The following TOX variants were observed in gnomAD, a reference collection of about 807,000 sequenced individuals.
TOX encodes the protein thymocyte selection-associated high mobility group box protein TOX.
In TOX, 11 loss-of-function variants were observed where a neutral mutation model predicts 53.7. The ratio of observed to expected loss-of-function variants is 0.20; its 90% CI spans 0.13 to 0.34. The LOEUF (loss-of-function observed/expected upper bound fraction) is 0.34, where lower values mean the gene tolerates loss of function less well. Ranked by LOEUF, TOX falls within the 10% of genes least tolerant of loss-of-function variation. The pLI is 1.00. For missense variants in TOX, 570 were observed against 664.6 expected, an observed-to-expected ratio of 0.86 and a Z score of 1.56; for synonymous variants, 225 against 245.3, an observed-to-expected ratio of 0.92 and a Z score of 0.77.
At chr8:58,913,146 C>A (rs1008388487) in intron 3 of TOX, among the ~76,000 whole-genome samples, 1 of 152,154 alleles carries the variant, frequency 6.6e-6, no homozygotes, top group Non-Finnish European at 1.5e-5. Context: ...CTCCCCTTCA[C>A]CCATTTCATG....
chr8:58,974,723 G>T (rs1189879965), intron 1 of TOX, among the ~76,000 whole-genome samples: 1 of 151,976 alleles, frequency 6.6e-6, no homozygotes, highest in Non-Finnish European at 1.5e-5. Flanking sequence ...ACTGCCACTT[G>T]TTATGATCAA....
chr8:58,823,632 A>G (rs1810316984), intron 6 of TOX, among the ~76,000 whole-genome samples: 1 of 152,324 alleles, frequency 6.6e-6, no homozygotes, highest in Non-Finnish European at 1.5e-5. Flanking sequence ...ATTTTTGATC[A>G]TGTTCTGTAA....
At chr8:59,101,044 G>A (rs1804799286) in intron 1 of TOX, among the ~76,000 whole-genome samples, 2 of 152,180 alleles carry the variant, frequency 1.3e-5, no homozygotes, top group Non-Finnish European at 2.9e-5. Context: ...ACAGGGCAAG[G>A]AATGCTGGTT....
chr8:58,868,267 T>A (rs1811136180), intron 3 of TOX, among the ~76,000 whole-genome samples: 2 of 152,188 alleles, frequency 1.3e-5, no homozygotes, highest in African/African-American at 4.8e-5. Flanking sequence ...TCTCTTTTCT[T>A]TATAAATTAC....
At chr8:59,041,321 C>T (rs1803583980) in intron 1 of TOX, among the ~76,000 whole-genome samples, 1 of 152,112 alleles carries the variant, frequency 6.6e-6, no homozygotes, top group South Asian at 2.1e-4. Context: ...CTCCCCCATC[C>T]TGAGCCTCAC....
chr8:58,913,973 C>T (rs1183958894), intron 3 of TOX, among the ~76,000 whole-genome samples: 1 of 152,136 alleles, frequency 6.6e-6, no homozygotes, highest in East Asian at 1.9e-4. Flanking sequence ...TGAAAGTGTG[C>T]TCAATGGAGT....
intron 1 of TOX, among the ~76,000 whole-genome samples, chr8:59,074,641 GAAATTA>G (rs1211972705): frequency 6.6e-6 from 1 of 152,178 alleles, no homozygotes; most frequent in Non-Finnish European, 1.5e-5. Flanking sequence ...GTTGTAGACA[GAAATTA>G]AAGTTAGAGA....
At chr8:59,103,518 A>G (rs567586558) in intron 1 of TOX, among the ~76,000 whole-genome samples, 1 of 152,334 alleles carries the variant, frequency 6.6e-6, no homozygotes, top group South Asian at 2.1e-4. Flanking sequence ...AGTGTGTTGT[A>G]GAATATAAGA....
At chr8:58,876,783 G>C (rs886272932) in intron 3 of TOX, among the ~76,000 whole-genome samples, 3 of 152,138 alleles carry the variant, frequency 2.0e-5, no homozygotes, top group Non-Finnish European at 4.4e-5. Flanking sequence ...GCTATTCGTG[G>C]AGTGCCTATT....
chr8:59,088,098 G>A (rs912507230), intron 1 of TOX, among the ~76,000 whole-genome samples: 5 of 152,016 alleles, frequency 3.3e-5, no homozygotes, highest in Non-Finnish European at 5.9e-5. Flanking sequence ...TTTTGGCAGC[G>A]AATATAAATT....
intron 1 of TOX, among the ~76,000 whole-genome samples, chr8:59,054,974 G>A (rs961528621): frequency 1.6e-5 from 2 of 128,828 alleles, no homozygotes; most frequent in African/African-American, 5.9e-5. Context: ...GGAAGGAAGG[G>A]ACGGAGGGAG....
At position 59,112,469 on chromosome 8, in the gene TOX, G is replaced by A. The variant is rs181033842; in HGVS notation, c.102+6417C>T. On this transcript the variant is annotated intron_variant, in intron 1 of 8. Transcript: ENST00000361421. Reference sequence around the variant, plus strand: ...CAAATTCATTAGGGCATATGTAAGCGGTATCATCTTGGCACTGTAGTTTCC... The same window carrying A: ...CAAATTCATTAGGGCATATGTAAGCAGTATCATCTTGGCACTGTAGTTTCC... 6.6e-5 allele frequency among the ~76,000 whole-genome samples: 10 copies of A among 152,216 alleles called. No individual in the cohort carries two copies. In the East Asian group the frequency reaches 9.6e-4, roughly 15 times the overall value.
chr8:58,827,308 C>T (rs558449498), intron 5 of TOX, among the ~76,000 whole-genome samples: 4 of 152,080 alleles, frequency 2.6e-5, no homozygotes, highest in East Asian at 1.9e-4. Context: ...ATATGTTCCA[C>T]GCTAAATACA....
At chr8:58,928,060 G>A (rs1812195162) in intron 3 of TOX, among the ~76,000 whole-genome samples, 1 of 152,164 alleles carries the variant, frequency 6.6e-6, no homozygotes. Context: ...ATCTTTCCTG[G>A]TCTCATACTT....
chr8:59,032,233 G>A (rs1268838539), intron 1 of TOX, among the ~76,000 whole-genome samples: 1 of 150,088 alleles, frequency 6.7e-6, no homozygotes, highest in African/African-American at 2.4e-5. Context: ...GAAATACTGG[G>A]GAAAGAACAG....
intron 6 of TOX, among the ~76,000 whole-genome samples, chr8:58,819,224 C>T (rs566427467): frequency 8.1e-4 from 123 of 152,308 alleles, no homozygotes; most frequent in Non-Finnish European, 2.2e-4. Flanking sequence ...CATATGAAGA[C>T]TTCTATACCT....
At chr8:58,946,521 G>A (rs1264015637) in intron 2 of TOX, among the ~76,000 whole-genome samples, 1 of 152,128 alleles carries the variant, frequency 6.6e-6, no homozygotes, top group African/African-American at 2.4e-5. Context: ...AGCAAGAATT[G>A]TCCAACAGTG....
At chr8:58,947,101 T>C (rs1040035291) in intron 2 of TOX, among the ~76,000 whole-genome samples, 1 of 152,178 alleles carries the variant, frequency 6.6e-6, no homozygotes, top group Non-Finnish European at 1.5e-5. Flanking sequence ...TTGTAAGCTT[T>C]CATCAGCTTT....
chr8:58,878,076 C>A (rs770169053), intron 3 of TOX, among the ~76,000 whole-genome samples: 5 of 152,094 alleles, frequency 3.3e-5, no homozygotes, highest in African/African-American at 4.8e-5. Context: ...GAATTCTGAT[C>A]TGATACTCAT....
Sources: allele counts gnomAD v4.1 joint callset (sites outside exome capture counted in the v4.1 genomes callset), GRCh38; gene constraint gnomAD v4.1.1; transcripts MANE v1.5; gene names NCBI Gene and HGNC (gene_info 2026-07-23, HGNC 2026-07-21).